The following MYO5B variants were observed in gnomAD, a reference collection of about 807,000 sequenced individuals.
MYO5B encodes the protein myosin VB, also known as unconventional myosin-Vb.
In MYO5B, 143 loss-of-function variants were observed where a neutral mutation model predicts 229.3. That is an observed-to-expected ratio of 0.62 (90% CI 0.54 to 0.72). MYO5B has a LOEUF of 0.72. Ranked by LOEUF, MYO5B falls within the 30% of genes least tolerant of loss-of-function variation. The pLI, the probability that MYO5B is intolerant of heterozygous loss-of-function variation, is 0.00. For missense variants in MYO5B, 2,321 were observed against 2,331.0 expected (o/e 1.00, Z 0.09); for synonymous variants, 918 against 885.2 (o/e 1.04, Z -0.66).
intron 1 of MYO5B, among the ~76,000 whole-genome samples, chr18:50,190,359 T>C (rs1483913015): frequency 6.6e-6 from 1 of 152,188 alleles, no homozygotes; most frequent in African/African-American, 2.4e-5. Flanking sequence ...TTCCAATGGG[T>C]TGGAAGCCAA....
chr18:49,978,694 T>TACACACACACACACAC (rs10527520), intron 9 of MYO5B, among the ~76,000 whole-genome samples: 269 of 139,188 alleles, frequency 1.9e-3, no homozygotes, highest in Middle Eastern at 7.2e-3. Flanking sequence ...CAGCAAGTAA[T>TACACACACACACACAC]ACACACACAC....
At chr18:49,942,108 T>C (rs1480461593) in intron 14 of MYO5B, among the ~76,000 whole-genome samples, 1 of 148,624 alleles carries the variant, frequency 6.7e-6, no homozygotes, top group Non-Finnish European at 1.5e-5. Context: ...ATTTAACAAA[T>C]AGTGCTGGGA....
intron 10 of MYO5B, among the ~76,000 whole-genome samples, chr18:49,966,003 T>G (rs1010870486): frequency 2.0e-5 from 3 of 152,108 alleles, no homozygotes; most frequent in Non-Finnish European, 4.4e-5. Flanking sequence ...TGCAAGCCCT[T>G]CCAAATAGAG....
chr18:49,935,856 C>T (rs1034255652), intron 16 of MYO5B, among the ~76,000 whole-genome samples: 3 of 152,224 alleles, frequency 2.0e-5, no homozygotes, highest in African/African-American at 7.2e-5. Flanking sequence ...TGTTCATGTC[C>T]TATCGTCCAA....
At chr18:49,835,212 G>A in intron 39 of MYO5B, 132 bp downstream of exon 39, 1 of 694,974 alleles carries the variant, frequency 1.4e-6, no homozygotes, top group South Asian at 1.7e-5. Context: ...AGAAAGTCTA[G>A]GAATGTAAGG....
intron 1 of MYO5B, among the ~76,000 whole-genome samples, chr18:50,155,220 A>G (rs2032661267): frequency 6.6e-6 from 1 of 152,190 alleles, no homozygotes; most frequent in Non-Finnish European, 1.5e-5. Flanking sequence ...CTCACTTCAC[A>G]CAGTTATAGT....
intron 3 of MYO5B, among the ~76,000 whole-genome samples, chr18:50,037,632 G>T (rs2029884774): frequency 6.6e-6 from 1 of 152,178 alleles, no homozygotes; most frequent in Non-Finnish European, 1.5e-5. Context: ...AGGCACGGTG[G>T]CTCATGCCTG....
At position 49,836,854 on chromosome 18, in the gene MYO5B, G is replaced by A. The variant is rs201349623; in HGVS notation, c.5170C>T (p.Arg1724Trp). The change falls in exon 38 of 40, where the codon CGG becomes TGG. Residue 1724 changes from arginine (R) to tryptophan (W), a missense_variant. Physicochemically the swap from Arg to Trp is moderately radical, Grantham distance 101. This residue lies in a region of MYO5B where 208 missense variants were observed against 286.3 expected (regional missense o/e 0.73). Coordinates refer to ENST00000285039, the MANE Select transcript of MYO5B (RefSeq NM_001080467.3). ...CCACTCTGGTGAAGGTTTCTTCCCC[G>A]AAGCCACTCCTCAAGCTGACTTATA... ...YNISQLEEWL[R>W]GRNLHQSGAV... 5.6e-6 allele frequency: 9 copies of A among 1,613,968 alleles called. No homozygotes were observed. The highest frequency in any genetic ancestry group is 5.0e-5 in the Admixed American group (3 of 60,002).
At chr18:50,157,431 G>A (rs529782163) in intron 1 of MYO5B, among the ~76,000 whole-genome samples, 1 of 152,158 alleles carries the variant, frequency 6.6e-6, no homozygotes, top group East Asian at 1.9e-4. Flanking sequence ...GATCTGACCC[G>A]GGTCTCTTTC....
At chr18:49,995,610 T>C (rs968691817) in intron 5 of MYO5B, among the ~76,000 whole-genome samples, 2 of 152,142 alleles carry the variant, frequency 1.3e-5, no homozygotes, top group African/African-American at 4.8e-5. Flanking sequence ...CTAATTACTA[T>C]GAAACCTAGT....
chr18:49,939,689 G>C (rs1173045613), intron 14 of MYO5B, among the ~76,000 whole-genome samples: 1 of 152,144 alleles, frequency 6.6e-6, no homozygotes, highest in Non-Finnish European at 1.5e-5. Context: ...GCTAGTCAGT[G>C]GCTGAGCCTG....
chr18:49,836,755 C>T lies in MYO5B; in HGVS notation c.5269G>A (p.Ala1757Thr), dbSNP rs200931302. The T allele has an allele frequency of 6.9e-5, 112 of 1,614,036 alleles. No homozygotes were observed. Among genetic ancestry groups the T allele is most frequent in the Non-Finnish European group, 9.0e-5 (106 of 1,180,024 alleles). Residue 1757 changes from alanine to threonine, a missense_variant, in exon 38 of 40, where the codon GCA becomes ACA. Transcript: ENST00000285039. The part of the protein sequence containing the change: ...LQLKKKTQED[A>T]EAICSLCTSL... ...GTACACAGGGAGCAGATAGCCTCTG[C>T]GTCCTCCTGGGTTTTCTTCTTTAAT...
intron 12 of MYO5B, among the ~76,000 whole-genome samples, chr18:49,960,209 G>A (rs2025543036): frequency 6.6e-6 from 1 of 152,292 alleles, no homozygotes; most frequent in Admixed American, 6.5e-5. Context: ...TGCACCATGA[G>A]TCCAATCCTT....
At chr18:49,989,804 C>T (rs1429691397) in intron 7 of MYO5B, among the ~76,000 whole-genome samples, 5 of 152,230 alleles carry the variant, frequency 3.3e-5, no homozygotes, top group African/African-American at 1.2e-4. Context: ...AGTGCCTTAT[C>T]CCCTCAGCTT....
At position 49,826,194 on chromosome 18, in the gene MYO5B, A is replaced by G. The variant is rs763347692; in HGVS notation, c.*277T>C. The G allele has an allele frequency of 1.8e-4, 79 of 434,034 alleles. No individual in the cohort carries two copies. The highest frequency in any genetic ancestry group is 2.8e-4 in the Admixed American group (8 of 28,654). 26.9% of individuals were successfully genotyped at this position (434,034 alleles called of 1,614,324 possible). ...TAGAATTGACACCTTTTATATGTCT[A>G]TGGGGACTGCTTGGTGTCTATAAAT... On this transcript the variant is annotated 3_prime_UTR_variant, in exon 40 of 40. Coordinates refer to ENST00000285039, the MANE Select transcript of MYO5B (RefSeq NM_001080467.3).
In MYO5B at chr18:49,864,186, G is replaced by A; in HGVS notation, c.3798C>T (p.Thr1266=). 1.2e-6 allele frequency: 2 copies of A among 1,612,840 alleles called. No individual in the cohort carries two copies. Among genetic ancestry groups the A allele is most frequent in the Non-Finnish European group, 1.7e-6 (2 of 1,180,020 alleles). Residue 1266 remains threonine, a synonymous_variant, in exon 28 of 40, where the codon ACC becomes ACT. Coordinates refer to ENST00000285039, the MANE Select transcript of MYO5B (RefSeq NM_001080467.3). ...VRKEEVLILR[T]QIVSADQRRL... ...GCCGCTGGTCGGCGCTCACGATCTG[G>A]GTCCTGAGGATGAGCACCTCCTCCT...
chr18:50,154,777 T>C (rs1041522512), intron 1 of MYO5B, among the ~76,000 whole-genome samples: 2 of 152,226 alleles, frequency 1.3e-5, no homozygotes, highest in African/African-American at 2.4e-5. Context: ...TTTAGGGCCC[T>C]GGAATGAATG....
intron 1 of MYO5B, among the ~76,000 whole-genome samples, chr18:50,080,904 C>T (rs547023624): frequency 1.3e-5 from 2 of 152,220 alleles, no homozygotes; most frequent in South Asian, 2.1e-4. Flanking sequence ...CTTGCCAGCC[C>T]GTCCCACTCT....
chr18:49,882,348 AGG>A (rs1333660555), intron 22 of MYO5B, among the ~76,000 whole-genome samples: 2 of 42,166 alleles, frequency 4.7e-5, no homozygotes, highest in African/African-American at 2.3e-4. Context: ...AAACCCGGCC[AGG>A]TACCGTGCGT....
Sources: allele counts gnomAD v4.1 joint callset (sites outside exome capture counted in the v4.1 genomes callset), GRCh38; gene constraint gnomAD v4.1.1; regional missense constraint gnomAD v4.1.1; transcripts MANE v1.5; gene names NCBI Gene and HGNC (gene_info 2026-07-23, HGNC 2026-07-21).